The following FSTL5 variants were observed in gnomAD, a reference collection of about 807,000 sequenced individuals.
The protein encoded by FSTL5 is follistatin like 5.
In FSTL5, 62 loss-of-function variants were observed where a neutral mutation model predicts 89.1. The ratio of observed to expected loss-of-function variants is 0.70; its 90% CI spans 0.57 to 0.86. The LOEUF is 0.86. Among genes scored for constraint, FSTL5 ranks in the 40% least tolerant of loss-of-function variants. FSTL5 has a pLI of 0.00. For missense variants in FSTL5, 1,057 were observed against 1,001.6 expected (o/e 1.06, Z -0.75); for synonymous variants, 383 against 346.2 (o/e 1.11, Z -1.18).
chr4:161,424,793 G>A lies in FSTL5; in HGVS notation c.1841+30211C>T, dbSNP rs112312908. Among the ~76,000 whole-genome samples, 1,121 of 152,186 alleles carry A rather than the reference G, an allele frequency of 7.4e-3. 10 individuals are homozygous for A. The highest frequency in any genetic ancestry group is 0.024 in the African/African-American group (984 of 41,538). ...AATGAAGTCACTTATACTAAATATC[G>A]GATAATCAAACTAAAACTTTATGGA... is the stretch of plus-strand genomic sequence containing the variant. On this transcript the variant is annotated intron_variant, in intron 15 of 15. Coordinates refer to ENST00000306100, the MANE Select transcript of FSTL5 (RefSeq NM_020116.5).
At chr4:161,955,140 A>C (rs890404706) in intron 3 of FSTL5, among the ~76,000 whole-genome samples, 2 of 151,650 alleles carry the variant, frequency 1.3e-5, no homozygotes, top group African/African-American at 4.8e-5. Context: ...GAAATGTATA[A>C]TTTTCTATAG....
rs1737934408 is a variant in FSTL5 at position 161,691,358 on chromosome 4, GT to G, written c.728-34865del. On this transcript the variant is annotated intron_variant, in intron 6 of 15. Coordinates refer to ENST00000306100, the MANE Select transcript of FSTL5 (RefSeq NM_020116.5). Reference sequence around the variant, plus strand: ...AAATCAATTGGCCATAGATATTTCAGTTCATTCTAGACTTTTAATTATATTG... The same window carrying G: ...AAATCAATTGGCCATAGATATTTCAGTCATTCTAGACTTTTAATTATATTG... Among the ~76,000 whole-genome samples the G allele has an allele frequency of 2.0e-5, 3 of 152,086 alleles. No individual in the cohort carries two copies. In the South Asian group the frequency reaches 6.2e-4, roughly 32 times the overall value.
At chr4:161,619,601 C>G (rs1314690408) in intron 7 of FSTL5, among the ~76,000 whole-genome samples, 3 of 152,252 alleles carry the variant, frequency 2.0e-5, no homozygotes, top group East Asian at 3.8e-4. Context: ...CTCACCATCA[C>G]TGGCTATCAG....
intron 8 of FSTL5, among the ~76,000 whole-genome samples, chr4:161,586,816 C>T (rs563077363): frequency 6.6e-6 from 1 of 152,248 alleles, no homozygotes; most frequent in South Asian, 2.1e-4. Flanking sequence ...TCTTGCTGTT[C>T]CTACAGAAAG....
intron 3 of FSTL5, among the ~76,000 whole-genome samples, chr4:161,953,816 A>C (rs1182739450): frequency 6.6e-6 from 1 of 151,620 alleles, no homozygotes; most frequent in Admixed American, 6.6e-5. Flanking sequence ...ATGACTTTCA[A>C]ATGTTTCTGT....
intron 10 of FSTL5, among the ~76,000 whole-genome samples, chr4:161,522,635 GA>G (rs1248367954): frequency 6.6e-6 from 1 of 151,194 alleles, no homozygotes; most frequent in Non-Finnish European, 1.5e-5. Flanking sequence ...AGTCAGCAAA[GA>G]AAAATTATCA....
intron 1 of FSTL5, among the ~76,000 whole-genome samples, chr4:162,122,641 T>C (rs1217846647): frequency 1.3e-5 from 2 of 152,122 alleles, no homozygotes; most frequent in African/African-American, 4.8e-5. Context: ...CTGTATGTCA[T>C]AGTAATATAA....
At chr4:161,899,531 T>G (rs976942447) in intron 4 of FSTL5, among the ~76,000 whole-genome samples, 10 of 152,228 alleles carry the variant, frequency 6.6e-5, no homozygotes, top group African/African-American at 2.4e-4. Flanking sequence ...CTTAGTGAAC[T>G]GCCAGGGAGC....
chr4:161,565,774 C>CAA (rs1553998251), intron 8 of FSTL5, among the ~76,000 whole-genome samples: 19 of 150,004 alleles, frequency 1.3e-4, no homozygotes, highest in African/African-American at 4.7e-4. Context: ...CACACACACA[C>CAA]ACACACACAT....
intron 3 of FSTL5, among the ~76,000 whole-genome samples, chr4:161,929,695 G>GTT (rs1177318130): frequency 6.9e-6 from 1 of 144,568 alleles, no homozygotes; most frequent in Non-Finnish European, 1.5e-5. Flanking sequence ...GTGTGTGTGT[G>GTT]TGTGTGTACA....
chr4:161,719,863 T>C (rs1739130606), intron 6 of FSTL5, among the ~76,000 whole-genome samples: 2 of 152,264 alleles, frequency 1.3e-5, no homozygotes, highest in South Asian at 4.1e-4. Flanking sequence ...TTTTTGGGAC[T>C]CTTTAGAACT....
At chr4:161,405,102 G>C (rs1020933184) in intron 15 of FSTL5, among the ~76,000 whole-genome samples, 1 of 151,868 alleles carries the variant, frequency 6.6e-6, no homozygotes, top group Admixed American at 6.6e-5. Context: ...GTATGGTGGT[G>C]GGCACCTGTA....
intron 12 of FSTL5, among the ~76,000 whole-genome samples, chr4:161,494,842 TTG>T (rs1166120730): frequency 6.6e-6 from 1 of 152,098 alleles, no homozygotes; most frequent in Non-Finnish European, 1.5e-5. Flanking sequence ...GGAGAATCTC[TTG>T]AGCCCAGGAA....
intron 6 of FSTL5, among the ~76,000 whole-genome samples, chr4:161,676,270 T>C (rs1284082021): frequency 6.6e-6 from 1 of 152,088 alleles, no homozygotes; most frequent in African/African-American, 2.4e-5. Context: ...CCATCAATGA[T>C]AGACTGGATA....
intron 7 of FSTL5, among the ~76,000 whole-genome samples, chr4:161,628,402 G>T (rs1443151283): frequency 6.6e-6 from 1 of 152,078 alleles, no homozygotes; most frequent in African/African-American, 2.4e-5. Context: ...AGATGGATAT[G>T]TTACACTCCA....
rs79805663 is a variant in FSTL5, at chr4:162,012,548, A to G, written c.160+21077T>C. Among the ~76,000 whole-genome samples the G allele has an allele frequency of 0.017, 2,571 of 152,296 alleles. 139 individuals carry two copies. In the East Asian group the frequency reaches 0.19, roughly 11 times the overall value. The stretch of plus-strand genomic sequence containing the variant: ...AGTATTTCTTCAATTAATAAAATCT[A>G]TGGAAAAATTTTAAGTAAAAGTAAA... On this transcript the variant is annotated intron_variant, in intron 3 of 15. Transcript: ENST00000306100.
intron 4 of FSTL5, among the ~76,000 whole-genome samples, chr4:161,844,092 T>C (rs1731294281): frequency 6.6e-6 from 1 of 151,812 alleles, no homozygotes. Context: ...CTTAAACAAA[T>C]ATACAAGAAA....
chr4:161,671,647 C>T (rs1737119123), intron 6 of FSTL5, among the ~76,000 whole-genome samples: 1 of 151,990 alleles, frequency 6.6e-6, no homozygotes, highest in African/African-American at 2.4e-5. Flanking sequence ...AAATTGCTCT[C>T]ATTTAGATAT....
intron 4 of FSTL5, among the ~76,000 whole-genome samples, chr4:161,870,841 T>C (rs1732240666): frequency 1.3e-5 from 2 of 152,164 alleles, no homozygotes; most frequent in Admixed American, 1.3e-4. Flanking sequence ...TAATCAAGTG[T>C]ACTAAATGGG....
Sources: allele counts gnomAD v4.1 joint callset (sites outside exome capture counted in the v4.1 genomes callset), GRCh38; gene constraint gnomAD v4.1.1; transcripts MANE v1.5; gene names NCBI Gene and HGNC (gene_info 2026-07-23, HGNC 2026-07-21).